Variants in ACER3 observed in about 807,000 individuals in gnomAD.
The protein encoded by ACER3 is alkaline ceramidase 3, also known as alkCDase 3.
Under a neutral mutation model 48.9 loss-of-function variants are expected in ACER3, and 16 were observed. The observed-to-expected ratio is 0.33, with a 90% CI of 0.22 to 0.50. The LOEUF (loss-of-function observed/expected upper bound fraction) is 0.50, where lower values mean the gene tolerates loss of function less well. ACER3 is among the 20% of genes least tolerant of loss of function. The probability of loss-of-function intolerance (pLI) is 0.98; values close to 1 mark genes in which losing one functional copy is unlikely to be tolerated. For synonymous variants in ACER3, 109 were observed against 107.8 expected, an observed-to-expected ratio of 1.01 and a Z score of -0.07; for missense variants, 227 against 326.0, an observed-to-expected ratio of 0.70 and a Z score of 2.34.
chr11:76,947,820 A>AC (rs1285107299), intron 2 of ACER3, among the ~76,000 whole-genome samples: 1 of 152,206 alleles, frequency 6.6e-6, no homozygotes, highest in African/African-American at 2.4e-5. Flanking sequence ...ACTTGTGCAT[A>AC]TGGAAGTATG....
At chr11:76,867,003 TC>T (rs1945106405) in intron 1 of ACER3, among the ~76,000 whole-genome samples, 2 of 152,240 alleles carry the variant, frequency 1.3e-5, no homozygotes, top group South Asian at 4.1e-4. Context: ...TTGGGTTACT[TC>T]TACCTCTTGG....
intron 1 of ACER3, among the ~76,000 whole-genome samples, chr11:76,912,434 C>T (rs993147940): frequency 2.0e-5 from 3 of 152,080 alleles, no homozygotes; most frequent in Non-Finnish European, 2.9e-5. Context: ...GAAATTAATA[C>T]AGATGTTCAT....
chr11:77,022,424 CT>C lies in ACER3; in HGVS notation c.*2104del. The C allele has an allele frequency of 6.6e-6, 1 of 152,252 alleles. No individual in the cohort carries two copies. The highest frequency in any genetic ancestry group is 1.5e-5 in the Non-Finnish European group (1 of 68,020). 9.4% of individuals were successfully genotyped at this position (152,252 alleles called of 1,614,324 possible). A position where few individuals can be genotyped will look rare whatever the true frequency, so the allele number is the denominator to read the frequency against. The stretch of plus-strand genomic sequence containing the variant: ...TAAGACTGGCCAATTCTTTGAAGAC[CT>C]TTTTTTCTGTTGGGAGAATGGAAAG... On this transcript the variant is annotated 3_prime_UTR_variant, in exon 11 of 11. Transcript: ENST00000532485.
At chr11:76,953,989 C>A (rs1000657117) in intron 2 of ACER3, among the ~76,000 whole-genome samples, 1 of 149,960 alleles carries the variant, frequency 6.7e-6, no homozygotes, top group Non-Finnish European at 1.5e-5. Context: ...CTCTTGTCGC[C>A]CAGGCTAGAG....
In ACER3 at chr11:76,913,435, C is replaced by T. The variant is rs900423714; in HGVS notation, c.104-13122C>T. On this transcript the variant is annotated intron_variant, in intron 1 of 10. Transcript: ENST00000532485. ...AATCGGAATAGTGAGAGAGGACATC[C>T]TTGTCTTGTGCCAGTTTTCAAAGGG... 1.6e-4 allele frequency among the ~76,000 whole-genome samples: 24 copies of T among 152,168 alleles called. 1 individual carries two copies. Among genetic ancestry groups the T allele is most frequent in the Non-Finnish European group, 2.9e-5 (2 of 68,040 alleles).
intron 7 of ACER3, among the ~76,000 whole-genome samples, chr11:77,009,215 G>C (rs957983137): frequency 2.6e-5 from 4 of 152,206 alleles, no homozygotes; most frequent in African/African-American, 9.7e-5. Flanking sequence ...CTTGGCTTCT[G>C]GGGAGGCCTC....
At chr11:76,890,195 A>G (rs1945770796) in intron 1 of ACER3, among the ~76,000 whole-genome samples, 1 of 152,196 alleles carries the variant, frequency 6.6e-6, no homozygotes, top group Admixed American at 6.5e-5. Flanking sequence ...TGTCTAGTAC[A>G]TGAGACTCTC....
chr11:77,014,919 A>G (rs1949338891), intron 7 of ACER3, 97 bp from the exon 8 acceptor site: 3 of 741,898 alleles, frequency 4.0e-6, no homozygotes, highest in African/African-American at 3.5e-5. Context: ...GTGAGATCCC[A>G]GCCCTTATAA....
At chr11:76,912,138 A>G (rs1225612669) in intron 1 of ACER3, among the ~76,000 whole-genome samples, 4 of 152,208 alleles carry the variant, frequency 2.6e-5, no homozygotes, top group Admixed American at 2.0e-4. Flanking sequence ...AAGGATCTTG[A>G]GATTAAATCT....
chr11:76,924,814 A>G (rs1946776285), intron 1 of ACER3, among the ~76,000 whole-genome samples: 1 of 151,930 alleles, frequency 6.6e-6, no homozygotes, highest in South Asian at 2.1e-4. Context: ...GTAGACTACT[A>G]AAAATACAAA....
At chr11:76,985,180 T>G (rs1487542747) in intron 4 of ACER3, among the ~76,000 whole-genome samples, 1 of 152,202 alleles carries the variant, frequency 6.6e-6, no homozygotes, top group Admixed American at 6.5e-5. Flanking sequence ...TCATCCAGGC[T>G]GGACCCTCTA....
intron 1 of ACER3, among the ~76,000 whole-genome samples, chr11:76,917,074 T>C (rs1946552787): frequency 6.6e-6 from 1 of 152,198 alleles, no homozygotes; most frequent in Non-Finnish European, 1.5e-5. Flanking sequence ...GTACTTCCTC[T>C]TGAATTTAAC....
chr11:77,024,162 A>G lies in ACER3; in HGVS notation c.*3835A>G, dbSNP rs1949514486. On this transcript the variant is annotated 3_prime_UTR_variant, in exon 11 of 11. Coordinates refer to ENST00000532485, the MANE Select transcript of ACER3 (RefSeq NM_018367.7). Reference sequence around the variant, plus strand: ...ATGGAAGGAGCTGCAAAATGAAAAAAAAAAAAAAAAGGAATCATGTCATCT... The same window carrying G: ...ATGGAAGGAGCTGCAAAATGAAAAAGAAAAAAAAAAGGAATCATGTCATCT... 1 of 149,416 alleles carries G rather than the reference A, an allele frequency of 6.7e-6. No individual in the cohort carries two copies. The highest frequency in any genetic ancestry group is 1.5e-5 in the Non-Finnish European group (1 of 67,200). The allele number at this position is 149,416 out of a possible 1,614,324, so 9.3% of individuals were successfully genotyped here.
At chr11:76,909,357 T>A (rs2134713406) in intron 1 of ACER3, among the ~76,000 whole-genome samples, 1 of 152,068 alleles carries the variant, frequency 6.6e-6, no homozygotes, top group South Asian at 2.1e-4. Flanking sequence ...GGGAGAAAAT[T>A]TTTGCAATCT....
In ACER3 at chr11:76,976,303, C is replaced by G; in HGVS notation, c.282C>G (p.Leu94=). ...GTTTCTTACAGCTATTGGATGAACT[C>G]CCAATGATATACAGCTGTTGCATAT... ...LKYEMQLLDE[L]PMIYSCCIFV... Residue 94 remains leucine, a synonymous_variant, in exon 4 of 11, where the codon CTC becomes CTG. Coordinates refer to ENST00000532485, the MANE Select transcript of ACER3 (RefSeq NM_018367.7). 1 of 1,605,790 alleles carries G rather than the reference C, an allele frequency of 6.2e-7. No homozygotes were observed. The highest frequency in any genetic ancestry group is 8.5e-7 in the Non-Finnish European group (1 of 1,175,094).
At chr11:76,928,114 C>G (rs1196501777) in intron 2 of ACER3, among the ~76,000 whole-genome samples, 2 of 152,124 alleles carry the variant, frequency 1.3e-5, no homozygotes. Context: ...ACATCCTCTC[C>G]AGCACGTGTT....
intron 2 of ACER3, among the ~76,000 whole-genome samples, chr11:76,956,547 G>GA (rs545520892): frequency 2.0e-5 from 3 of 151,930 alleles, no homozygotes; most frequent in South Asian, 2.1e-4. Flanking sequence ...CAAAAGCAGG[G>GA]AAAAAAATCA....
chr11:76,958,230 G>C (rs1169959917), intron 2 of ACER3, among the ~76,000 whole-genome samples: 1 of 138,302 alleles, frequency 7.2e-6, no homozygotes, highest in African/African-American at 2.7e-5. Context: ...CTTGTTGCCC[G>C]GGCTGGAGTG....
At chr11:76,912,487 C>T (rs1358614209) in intron 1 of ACER3, among the ~76,000 whole-genome samples, 1 of 152,018 alleles carries the variant, frequency 6.6e-6, no homozygotes, top group Non-Finnish European at 1.5e-5. Flanking sequence ...AATAACATAA[C>T]TATCTGCCAA....
Sources: gnomAD v4.1 joint callset for allele counts (sites outside exome capture counted in the v4.1 genomes callset) on GRCh38, gnomAD v4.1.1 for gene constraint, MANE v1.5 for transcripts, NCBI Gene and HGNC (gene_info 2026-07-23, HGNC 2026-07-21) for gene names.